GMDS: variants seen among roughly 807,000 people sequenced by gnomAD.
GMDS encodes the protein GDP-mannose 4,6 dehydratase.
A neutral mutation model predicts 49.9 loss-of-function variants in GMDS; 20 were observed. The observed-to-expected ratio is 0.40, with a 90% confidence interval of 0.28 to 0.58. GMDS has a LOEUF of 0.58. Ranked by LOEUF, GMDS falls within the 20% of genes least tolerant of loss-of-function variation. The pLI, the probability that GMDS is intolerant of heterozygous loss-of-function variation, is 0.42. For missense variants in GMDS, 362 were observed against 481.4 expected (o/e 0.75, Z 2.32); for synonymous variants, 177 against 178.6 (o/e 0.99, Z 0.07).
At chr6:1,851,263 AT>A (rs1193226921) in intron 7 of GMDS, among the ~76,000 whole-genome samples, 1 of 152,204 alleles carries the variant, frequency 6.6e-6, no homozygotes, top group Non-Finnish European at 1.5e-5. Context: ...AGGCCGAGTG[AT>A]TAGCTATGTA....
chr6:1,649,676 C>G (rs1462614952), intron 9 of GMDS, among the ~76,000 whole-genome samples: 1 of 152,182 alleles, frequency 6.6e-6, no homozygotes, highest in Non-Finnish European at 1.5e-5. Flanking sequence ...TTTCCCTTTG[C>G]TACATTCCAA....
chr6:1,923,627 G>A (rs950166030), intron 7 of GMDS, among the ~76,000 whole-genome samples: 4 of 152,310 alleles, frequency 2.6e-5, no homozygotes, highest in African/African-American at 9.6e-5. Context: ...GCCGGATCCC[G>A]CACTCGCTCA....
At chr6:1,793,742 G>T (rs1769633565) in intron 7 of GMDS, among the ~76,000 whole-genome samples, 1 of 152,070 alleles carries the variant, frequency 6.6e-6, no homozygotes, top group Admixed American at 6.5e-5. Flanking sequence ...CTGGAATTCT[G>T]GGTTTCTCAT....
intron 7 of GMDS, among the ~76,000 whole-genome samples, chr6:1,916,940 C>T (rs889160323): frequency 2.6e-5 from 4 of 151,020 alleles, no homozygotes; most frequent in Admixed American, 6.6e-5. Context: ...ACTTGTATTT[C>T]CTGTACAGAA....
intron 7 of GMDS, among the ~76,000 whole-genome samples, chr6:1,821,903 T>G (rs1178678157): frequency 6.6e-6 from 1 of 152,120 alleles, no homozygotes; most frequent in Non-Finnish European, 1.5e-5. Flanking sequence ...AATGCTGGTA[T>G]GCAAACTATT....
intron 7 of GMDS, among the ~76,000 whole-genome samples, chr6:1,838,903 C>T (rs1757037174): frequency 1.3e-5 from 2 of 152,022 alleles, no homozygotes; most frequent in Non-Finnish European, 2.9e-5. Context: ...CAGCTTTTTC[C>T]CTGAGGTGGG....
chr6:1,869,044 A>G (rs1350272539), intron 7 of GMDS, among the ~76,000 whole-genome samples: 2 of 152,246 alleles, frequency 1.3e-5, no homozygotes, highest in African/African-American at 2.4e-5. Flanking sequence ...AATGCCCCAG[A>G]GCTTTGCATA....
intron 1 of GMDS, among the ~76,000 whole-genome samples, chr6:2,238,999 CAGTAAAATTAAT>C (rs1170648525): frequency 1.3e-5 from 2 of 152,076 alleles, no homozygotes; most frequent in African/African-American, 4.8e-5. Context: ...ATTTCAAATT[CAGTAAAATTAAT>C]AGTTCATTGG....
At chr6:2,119,304 T>G (rs1775012425) in intron 2 of GMDS, among the ~76,000 whole-genome samples, 1 of 152,166 alleles carries the variant, frequency 6.6e-6, no homozygotes, top group Non-Finnish European at 1.5e-5. Context: ...CCATCTAAAA[T>G]GCAGACAACT....
intron 7 of GMDS, among the ~76,000 whole-genome samples, chr6:1,876,464 T>C (rs1157277299): frequency 1.3e-5 from 2 of 152,214 alleles, no homozygotes. Context: ...GGTGATTTGT[T>C]AAAGAACTAA....
At chr6:1,743,772 TAA>T (rs11361365) in intron 7 of GMDS, among the ~76,000 whole-genome samples, 4 of 144,958 alleles carry the variant, frequency 2.8e-5, no homozygotes, top group Non-Finnish European at 1.5e-5. Context: ...GATGAAGATT[TAA>T]AAAAAAAAAT....
At chr6:2,210,447 C>T (rs565483261) in intron 1 of GMDS, among the ~76,000 whole-genome samples, 1 of 152,308 alleles carries the variant, frequency 6.6e-6, no homozygotes, top group East Asian at 1.9e-4. Flanking sequence ...CCCCAATGTG[C>T]TTACCCATCC....
chr6:1,639,938 C>G (rs1389883888), intron 9 of GMDS, among the ~76,000 whole-genome samples: 3 of 152,234 alleles, frequency 2.0e-5, no homozygotes, highest in Non-Finnish European at 2.9e-5. Flanking sequence ...CTGCCACTTA[C>G]TTCCTGGATG....
intron 4 of GMDS, among the ~76,000 whole-genome samples, chr6:2,090,045 C>T (rs560712153): frequency 2.6e-5 from 4 of 152,310 alleles, no homozygotes; most frequent in South Asian, 2.1e-4. Context: ...ATCAAAACAG[C>T]CTAAATTTGT....
intron 7 of GMDS, among the ~76,000 whole-genome samples, chr6:1,809,722 C>T (rs1237822984): frequency 3.9e-5 from 6 of 152,012 alleles, no homozygotes; most frequent in African/African-American, 1.5e-4. Flanking sequence ...ATTCTGAAAT[C>T]CTAAGAACAG....
intron 1 of GMDS, among the ~76,000 whole-genome samples, chr6:2,203,319 G>A (rs1174240531): frequency 6.6e-6 from 1 of 152,130 alleles, no homozygotes; most frequent in East Asian, 1.9e-4. Flanking sequence ...AGAAACTTAT[G>A]AAAAACAATT....
rs182141547 is a variant in GMDS at position 2,129,096 on chromosome 6, T to C, written c.103-4365A>G. Among the ~76,000 whole-genome samples, 339 of 152,298 alleles carry C rather than the reference T, an allele frequency of 2.2e-3. 1 individual carries two copies. Among genetic ancestry groups the C allele is most frequent in the Non-Finnish European group, 2.1e-3 (145 of 68,034 alleles). Reference sequence around the variant, plus strand: ...CAGAAATGTTCCAGACAGAGTTATGTAAAAATTAAAGACCAATTCCAGAAA... The same window carrying C: ...CAGAAATGTTCCAGACAGAGTTATGCAAAAATTAAAGACCAATTCCAGAAA... On this transcript the variant is annotated intron_variant, in intron 1 of 10. Coordinates refer to ENST00000380815, the MANE Select transcript of GMDS (RefSeq NM_001500.4).
chr6:1,998,692 A>G (rs114852359), intron 4 of GMDS, among the ~76,000 whole-genome samples: 145 of 152,332 alleles, frequency 9.5e-4, no homozygotes, highest in African/African-American at 3.3e-3. Flanking sequence ...ATTAGGTATT[A>G]TAAGTTATCT....
At chr6:2,019,873 A>G (rs1768163298) in intron 4 of GMDS, among the ~76,000 whole-genome samples, 1 of 152,174 alleles carries the variant, frequency 6.6e-6, no homozygotes, top group Non-Finnish European at 1.5e-5. Context: ...TTCTACTGAT[A>G]TGCTATATTA....
Sources: allele counts gnomAD v4.1 joint callset (sites outside exome capture counted in the v4.1 genomes callset), GRCh38; gene constraint gnomAD v4.1.1; transcripts MANE v1.5; gene names NCBI Gene and HGNC (gene_info 2026-07-23, HGNC 2026-07-21).